The following CLIC6 variants were observed in gnomAD, a reference collection of about 807,000 sequenced individuals.
The protein encoded by CLIC6 is chloride intracellular channel protein 6.
Under a neutral mutation model 49.2 loss-of-function variants are expected in CLIC6, and 39 were observed. The observed-to-expected ratio is 0.79, with a 90% CI of 0.61 to 1.04. The LOEUF is 1.04. CLIC6 is among the 50% of genes least tolerant of loss of function. The probability of loss-of-function intolerance (pLI) is 0.00; values close to 1 mark genes in which losing one functional copy is unlikely to be tolerated. For missense variants in CLIC6, 988 were observed against 993.1 expected, an observed-to-expected ratio of 0.99 and a Z score of 0.07; for synonymous variants, 446 against 433.4, an observed-to-expected ratio of 1.03 and a Z score of -0.36.
At chr21:34,695,444 C>T (rs899642362) in intron 1 of CLIC6, among the ~76,000 whole-genome samples, 1 of 152,252 alleles carries the variant, frequency 6.6e-6, no homozygotes, top group Non-Finnish European at 1.5e-5. Flanking sequence ...TTCACAGATG[C>T]TGTGAACTAG....
In CLIC6 at chr21:34,717,279, C is replaced by T. The variant is rs910346117; in HGVS notation, c.*797C>T. 1.3e-5 allele frequency: 2 copies of T among 152,210 alleles called. No homozygotes were observed. 9.4% of individuals were successfully genotyped at this position (152,210 alleles called of 1,614,324 possible). ...GTGCCTTCAGCAGGACTCTTAATAT[C>T]TGCTGCAACTTGGAGAACCTCCCTG... is the stretch of plus-strand genomic sequence containing the variant. On this transcript the variant is annotated 3_prime_UTR_variant, in exon 6 of 6. Coordinates refer to ENST00000349499, the MANE Select transcript of CLIC6 (RefSeq NM_053277.3).
rs781413499 is a variant in CLIC6, at chr21:34,707,402, G to GTC, written c.1484+15_1484+16dup. ...TGGACCTGAAAAGGTAAGACAAGGCGTCTGCCTTACTGAAATAACTGTACC... is the reference window on the plus strand; with the variant it reads ...TGGACCTGAAAAGGTAAGACAAGGCGTCTCTGCCTTACTGAAATAACTGTACC... On this transcript the variant is annotated intron_variant, in intron 2 of 5. Coordinates refer to ENST00000349499, the MANE Select transcript of CLIC6 (RefSeq NM_053277.3). 1 of 1,510,956 alleles carries GTC rather than the reference G, an allele frequency of 6.6e-7. No individual in the cohort carries two copies. The highest frequency in any genetic ancestry group is 1.1e-5 in the South Asian group (1 of 88,944). The allele number at this position is 1,510,956 out of a possible 1,614,324, so 93.6% of individuals were successfully genotyped here.
chr21:34,714,743 T>A (rs1156414037), intron 5 of CLIC6, among the ~76,000 whole-genome samples: 1 of 149,484 alleles, frequency 6.7e-6, no homozygotes. Flanking sequence ...AATTCCTATA[T>A]ATTTAAATTT....
chr21:34,679,950 G>A (rs781506905), intron 1 of CLIC6, among the ~76,000 whole-genome samples: 1 of 152,182 alleles, frequency 6.6e-6, no homozygotes, highest in Admixed American at 6.5e-5. Flanking sequence ...GCAAGCTATT[G>A]GTGGATCCAC....
At chr21:34,711,405 G>A (rs118102150) in intron 5 of CLIC6, among the ~76,000 whole-genome samples, 13,825 of 152,014 alleles carry the variant, frequency 0.091, 825 homozygotes, top group Non-Finnish European at 0.13. Flanking sequence ...GGTGGTGTGC[G>A]CCTGTAGTCC....
chr21:34,704,517 G>T (rs1215011160), intron 1 of CLIC6, among the ~76,000 whole-genome samples: 1 of 152,214 alleles, frequency 6.6e-6, no homozygotes, highest in Non-Finnish European at 1.5e-5. Context: ...CACTAGCCAT[G>T]CTGGGTCGGG....
At chr21:34,690,413 C>T (rs908498278) in intron 1 of CLIC6, among the ~76,000 whole-genome samples, 3 of 152,210 alleles carry the variant, frequency 2.0e-5, no homozygotes, top group South Asian at 4.1e-4. Context: ...GCCTCCTTTT[C>T]GAATTCCAGT....
intron 5 of CLIC6, among the ~76,000 whole-genome samples, chr21:34,711,528 CAAATAAATAAATAAATAAAT>C (rs35370301): frequency 0.41 from 60,831 of 148,300 alleles, 12,621 homozygotes; most frequent in East Asian, 0.61. Context: ...AATAAACAAA[CAAATAAATAAATAAATAAAT>C]AAATAAATAA....
intron 1 of CLIC6, among the ~76,000 whole-genome samples, chr21:34,693,191 A>G (rs547764653): frequency 6.6e-6 from 1 of 152,326 alleles, no homozygotes; most frequent in Non-Finnish European, 1.5e-5. Context: ...TGTGAAGTCT[A>G]GGAGGTCTGT....
intron 1 of CLIC6, among the ~76,000 whole-genome samples, chr21:34,690,672 T>C (rs1438579546): frequency 1.3e-5 from 2 of 152,156 alleles, no homozygotes; most frequent in Non-Finnish European, 2.9e-5. Flanking sequence ...ATTGGTTTCC[T>C]GGTCACTGAG....
At chr21:34,692,420 G>A (rs971806011) in intron 1 of CLIC6, among the ~76,000 whole-genome samples, 4 of 152,138 alleles carry the variant, frequency 2.6e-5, no homozygotes, top group Non-Finnish European at 5.9e-5. Context: ...TAGATAGGTG[G>A]ATTCTCCCAG....
intron 3 of CLIC6, 100 bp downstream of exon 3, chr21:34,708,169 G>A: frequency 2.9e-6 from 4 of 1,385,308 alleles, no homozygotes; most frequent in Non-Finnish European, 4.0e-6. Flanking sequence ...GTGGTTTTCT[G>A]CAGCCCACGG....
At chr21:34,694,135 A>ATTTTTTTTTTTTTTTTTTT (rs57210806) in intron 1 of CLIC6, among the ~76,000 whole-genome samples, 3 of 128,418 alleles carry the variant, frequency 2.3e-5, no homozygotes, top group African/African-American at 9.4e-5. Context: ...CGCCTGGTTA[A>ATTTTTTTTTTTTTTTTTTT]TTTTTTTTTT....
intron 1 of CLIC6, among the ~76,000 whole-genome samples, chr21:34,672,674 C>A (rs774178719): frequency 6.6e-6 from 1 of 152,178 alleles, no homozygotes; most frequent in African/African-American, 2.4e-5. Flanking sequence ...CTTGAATGGG[C>A]GGCTAGCTGC....
Position 34,709,425 on chromosome 21 carries a change from G to A in CLIC6, c.1786G>A (p.Glu596Lys), listed in dbSNP as rs376511276. 187 of 1,613,974 alleles carry A rather than the reference G, an allele frequency of 1.2e-4. No individual in the cohort carries two copies. The highest frequency in any genetic ancestry group is 1.4e-4 in the Non-Finnish European group (160 of 1,179,946). ...TTACTTAAATAGCCCTCTGCCTGAT[G>A]AAATAGATGCCTACAGCACCGAGGA... ...DNYLNSPLPDEIDAYSTEDVT... is the reference protein window; with the variant it reads ...DNYLNSPLPDKIDAYSTEDVT... Residue 596 changes from glutamate (E) to lysine (K), a missense_variant, in exon 5 of 6, where the codon GAA becomes AAA. By Grantham distance (56) the Glu-to-Lys change is moderately conservative. Transcript: ENST00000349499.
chr21:34,710,823 C>A (rs1201047798), intron 5 of CLIC6, among the ~76,000 whole-genome samples: 2 of 151,758 alleles, frequency 1.3e-5, no homozygotes, highest in East Asian at 1.9e-4. Context: ...AGAAAAAAAA[C>A]AAAAAACAAA....
chr21:34,699,783 A>AGAAAGAG (rs1990154973), intron 1 of CLIC6, among the ~76,000 whole-genome samples: 1 of 152,180 alleles, frequency 6.6e-6, no homozygotes, highest in Non-Finnish European at 1.5e-5. Flanking sequence ...AATAGGCAAA[A>AGAAAGAG]GAAAGAGAAA....
At chr21:34,693,108 G>A (rs1990025919) in intron 1 of CLIC6, among the ~76,000 whole-genome samples, 1 of 152,182 alleles carries the variant, frequency 6.6e-6, no homozygotes, top group Non-Finnish European at 1.5e-5. Flanking sequence ...ATTTTTAAAA[G>A]CACACTGTTC....
At chr21:34,675,245 G>A (rs914534501) in intron 1 of CLIC6, among the ~76,000 whole-genome samples, 12 of 116,724 alleles carry the variant, frequency 1.0e-4, no homozygotes, top group Non-Finnish European at 1.8e-4. Context: ...ATGAGCCCCC[G>A]CCCCTCCAAA....
Sources: allele counts gnomAD v4.1 joint callset (sites outside exome capture counted in the v4.1 genomes callset), GRCh38; gene constraint gnomAD v4.1.1; transcripts MANE v1.5; gene names NCBI Gene and HGNC (gene_info 2026-07-23, HGNC 2026-07-21).